Variants in CD2BP2 observed in about 807,000 individuals in gnomAD.
The protein encoded by CD2BP2 is CD2 cytoplasmic tail binding protein 2.
A neutral mutation model predicts 35.9 loss-of-function variants in CD2BP2; 27 were observed. That is an observed-to-expected ratio of 0.75 (90% CI 0.55 to 1.04). The LOEUF is 1.04. CD2BP2 is among the 50% of genes least tolerant of loss of function. The pLI, the probability that CD2BP2 is intolerant of heterozygous loss-of-function variation, is 0.00. For synonymous variants in CD2BP2, 213 were observed against 173.5 expected (o/e 1.23, Z -1.79); for missense variants, 497 against 444.3 (o/e 1.12, Z -1.07).
In CD2BP2 at chr16:30,352,695, C is replaced by A; in HGVS notation, c.*290G>T. ...AGCAGCGCAGTTGGGGGTGTTTACA[C>A]GGCAAGCAGAGTCCAGGCAGGGAGG... On this transcript the variant is annotated 3_prime_UTR_variant, in exon 7 of 7. Transcript: ENST00000305596. The A allele has an allele frequency of 2.2e-6, 1 of 447,652 alleles. No individual in the cohort carries two copies. Among genetic ancestry groups the A allele is most frequent in the Middle Eastern group, 6.4e-4 (1 of 1,566 alleles). The allele number at this position is 447,652 out of a possible 1,614,324, so 27.7% of individuals were successfully genotyped here.
At position 30,351,504 on chromosome 16, in the gene CD2BP2, CT is replaced by C. The variant is rs2049481514; in HGVS notation, c.*1480del. 3 of 152,330 alleles carry C rather than the reference CT, an allele frequency of 2.0e-5. No individual in the cohort carries two copies. The South Asian group carries it at 6.2e-4, about 32-fold the overall frequency. The allele number at this position is 152,330 out of a possible 1,614,324, so 9.4% of individuals were successfully genotyped here. A position where few individuals can be genotyped will look rare whatever the true frequency, so the allele number is the denominator to read the frequency against. On this transcript the variant is annotated 3_prime_UTR_variant, in exon 7 of 7. Coordinates refer to ENST00000305596, the MANE Select transcript of CD2BP2 (RefSeq NM_006110.3). ...ACGTTTAAAGGAAGGTATCTTACCC[CT>C]GATGGCTTCTTGGAGTGAATGAAAT...
chr16:30,351,417 A>G lies in CD2BP2; in HGVS notation c.*1568T>C, dbSNP rs1174043853. 6.6e-6 allele frequency: 1 copy of G among 152,304 alleles called. No homozygotes were observed. Among genetic ancestry groups the G allele is most frequent in the East Asian group, 1.9e-4 (1 of 5,194 alleles). 9.4% of individuals were successfully genotyped at this position (152,304 alleles called of 1,614,324 possible). ...CCACTTCCGGACCTTTCTGAAATCA[A>G]GACGCATCTTTAGATCAATGGCATC... On this transcript the variant is annotated 3_prime_UTR_variant, in exon 7 of 7. Coordinates refer to ENST00000305596, the MANE Select transcript of CD2BP2 (RefSeq NM_006110.3).
In CD2BP2 at chr16:30,352,639, A is replaced by C; in HGVS notation, c.*346T>G. The C allele has an allele frequency of 3.8e-6, 1 of 265,802 alleles. No homozygotes were observed. Among genetic ancestry groups the C allele is most frequent in the East Asian group, 8.4e-5 (1 of 11,914 alleles). 16.5% of individuals were successfully genotyped at this position (265,802 alleles called of 1,614,324 possible). A position where few individuals can be genotyped will look rare whatever the true frequency, so the allele number is the denominator to read the frequency against. The stretch of plus-strand genomic sequence containing the variant: ...CCTGAAAGCCAAAGACCTAAGAGGA[A>C]TCGAACAAGAAACCTGGGAGAGGAG... On this transcript the variant is annotated 3_prime_UTR_variant, in exon 7 of 7. Coordinates refer to ENST00000305596, the MANE Select transcript of CD2BP2 (RefSeq NM_006110.3).
At chr16:30,354,809 G>C (rs2151098218) in intron 1 of CD2BP2, 102 bp from the exon 2 acceptor site, 1 of 841,248 alleles carries the variant, frequency 1.2e-6, no homozygotes, top group South Asian at 1.4e-5. Context: ...GTACAGTTTG[G>C]GAGCGGAGGG....
At chr16:30,354,132 CA>C in intron 3 of CD2BP2, 51 bp downstream of exon 3, 1 of 1,613,108 alleles carries the variant, frequency 6.2e-7, no homozygotes, top group African/African-American at 1.3e-5. Context: ...TCCACACCAC[CA>C]GAGGCCCCTA....
chr16:30,353,734 C>G lies in CD2BP2; in HGVS notation c.442G>C (p.Gly148Arg). ...ASDSEEEDSLGQTSMSAQALL... is the reference protein window; with the variant it reads ...ASDSEEEDSLRQTSMSAQALL... ...GCTTGGGCACTCATTGAGGTCTGGC[C>G]CAAGCTGTCCTCCTCCTCCGAGTCT... The change falls in exon 5 of 7, where the codon GGC becomes CGC. Residue 148 changes from glycine to arginine, a missense_variant. Coordinates refer to ENST00000305596, the MANE Select transcript of CD2BP2 (RefSeq NM_006110.3). 1 of 1,611,458 alleles carries G rather than the reference C, an allele frequency of 6.2e-7. No individual in the cohort carries two copies. The highest frequency in any genetic ancestry group is 1.3e-5 in the African/African-American group (1 of 75,016).
At chr16:30,353,321 T>C in intron 5 of CD2BP2, 34 bp from the exon 6 acceptor site, 1 of 1,613,540 alleles carries the variant, frequency 6.2e-7, no homozygotes, top group Non-Finnish European at 8.5e-7. Context: ...TGGCCTCCAG[T>C]GTCTCACTTC....
At position 30,352,715 on chromosome 16, in the gene CD2BP2, G is replaced by C. The variant is rs2049492130; in HGVS notation, c.*270C>G. 2 of 501,144 alleles carry C rather than the reference G, an allele frequency of 4.0e-6. No individual in the cohort carries two copies. The highest frequency in any genetic ancestry group is 7.2e-5 in the East Asian group (2 of 27,696). 31.0% of individuals were successfully genotyped at this position (501,144 alleles called of 1,614,324 possible). A position where few individuals can be genotyped will look rare whatever the true frequency, so the allele number is the denominator to read the frequency against. On this transcript the variant is annotated 3_prime_UTR_variant, in exon 7 of 7. Transcript: ENST00000305596. ...TTACACGGCAAGCAGAGTCCAGGCA[G>C]GGAGGCCACAGGATACCTGACAGGC...
At position 30,353,480 on chromosome 16, in the gene CD2BP2, C is replaced by T. The variant is rs1170496259; in HGVS notation, c.696G>A (p.Leu232=). 4 of 1,614,030 alleles carry T rather than the reference C, an allele frequency of 2.5e-6. No individual in the cohort carries two copies. The highest frequency in any genetic ancestry group is 3.4e-6 in the Non-Finnish European group (4 of 1,180,026). The change falls in exon 5 of 7, where the codon TTG becomes TTA. Residue 232 remains leucine (L), a synonymous_variant. Coordinates refer to ENST00000305596, the MANE Select transcript of CD2BP2 (RefSeq NM_006110.3). ...RERLAMRLKG[L]GCQTLGPHNP... Reference sequence around the variant, plus strand: ...TGTGGGGTCCTAGGGTCTGACACCCCAAACCCTTCAGACGCATAGCCAACC... The same window carrying T: ...TGTGGGGTCCTAGGGTCTGACACCCTAAACCCTTCAGACGCATAGCCAACC...
chr16:30,351,898 T>C lies in CD2BP2; in HGVS notation c.*1087A>G, dbSNP rs1256839767. The C allele has an allele frequency of 1.3e-5, 2 of 152,264 alleles. No homozygotes were observed. The highest frequency in any genetic ancestry group is 1.3e-4 in the Admixed American group (2 of 15,278). The allele number at this position is 152,264 out of a possible 1,614,324, so 9.4% of individuals were successfully genotyped here. A position where few individuals can be genotyped will look rare whatever the true frequency, so the allele number is the denominator to read the frequency against. The stretch of plus-strand genomic sequence containing the variant: ...CTCAATCTGAATCTCCAAAGAGATA[T>C]TACAGCTCCCCAGGAGACTCCAAGG... On this transcript the variant is annotated 3_prime_UTR_variant, in exon 7 of 7. Transcript: ENST00000305596.
At chr16:30,354,533 C>CCCG (rs2049517287) in intron 2 of CD2BP2, 71 bp downstream of exon 2, 8 of 1,545,122 alleles carry the variant, frequency 5.2e-6, no homozygotes, top group Non-Finnish European at 7.2e-6. Flanking sequence ...CCGCCCCTCT[C>CCCG]CCGCCAGCTT....
Position 30,352,999 on chromosome 16 carries a change from C to T in CD2BP2, c.1012G>A (p.Asp338Asn). The change falls in exon 7 of 7, where the codon GAC becomes AAC. Residue 338 changes from aspartate to asparagine, a missense_variant. Asp to Asn is a conservative substitution (Grantham distance 23). Transcript: ENST00000305596. The stretch of plus-strand genomic sequence containing the variant: ...CCCCAGCAGGCTCAGGTGTAGAGGT[C>T]AAAGTCAATGCGTTTGGAGTTGTAG... The part of the protein sequence containing the change: ...QFYNSKRIDF[D>N]LYT 6.2e-7 allele frequency: 1 copy of T among 1,612,422 alleles called. No individual in the cohort carries two copies. Among genetic ancestry groups the T allele is most frequent in the Non-Finnish European group, 8.5e-7 (1 of 1,178,458 alleles).
Position 30,353,275 on chromosome 16 carries a change from C to T in CD2BP2, c.821G>A (p.Arg274Gln), listed in dbSNP as rs774977640. 118 of 1,614,042 alleles carry T rather than the reference C, an allele frequency of 7.3e-5. No homozygotes were observed. Among genetic ancestry groups the T allele is most frequent in the Admixed American group, 2.0e-4 (12 of 60,002 alleles). Reference sequence around the variant, plus strand: ...CATCACATCCACCAGACCATCTCCCCGCGACTCTGCTTCTAAAATAACAGG... The same window carrying T: ...CATCACATCCACCAGACCATCTCCCTGCGACTCTGCTTCTAAAATAACAGG... ...TPTQRGEAES[R>Q]GDGLVDVMWE... The change falls in exon 6 of 7, where the codon CGG becomes CAG. Residue 274 changes from arginine to glutamine, a missense_variant. Arg to Gln is a conservative substitution (Grantham distance 43). Coordinates refer to ENST00000305596, the MANE Select transcript of CD2BP2 (RefSeq NM_006110.3).
rs1824527451 is a variant in CD2BP2 at position 30,354,255 on chromosome 16, C to A, written c.146G>T (p.Ser49Ile). Residue 49 changes from serine to isoleucine, a missense_variant, in exon 3 of 7, where the codon AGC becomes ATC. By Grantham distance (142) the Ser-to-Ile change is moderately radical. Transcript: ENST00000305596. Reference protein sequence around the residue: ...SRFKGKHSLDSDEEEDDDDGG... With the variant: ...SRFKGKHSLDIDEEEDDDDGG... The stretch of plus-strand genomic sequence containing the variant: ...ATCATCATCATCCTCCTCCTCATCG[C>A]TATCCAAAGAGTGTTTGCCTTTAAA... 5 of 1,614,046 alleles carry A rather than the reference C, an allele frequency of 3.1e-6. No homozygotes were observed. Among genetic ancestry groups the A allele is most frequent in the Non-Finnish European group, 4.2e-6 (5 of 1,180,032 alleles).
rs992843357 is a variant in CD2BP2 at position 30,355,120 on chromosome 16, C to T, written c.-27+92G>A. The T allele has an allele frequency of 2.3e-5, 5 of 213,340 alleles. No homozygotes were observed. In the Admixed American group the frequency reaches 2.7e-4, roughly 12 times the overall value. The allele number at this position is 213,340 out of a possible 1,614,324, so 13.2% of individuals were successfully genotyped here. On this transcript the variant is annotated intron_variant, in intron 1 of 6. Transcript: ENST00000305596. ...ACCCCGTTCCTCCCTGCTCCGAACT[C>T]CCAATTCCGTGTGGTGAGCCCCAAC... is the stretch of plus-strand genomic sequence containing the variant.
chr16:30,351,737 C>T lies in CD2BP2; in HGVS notation c.*1248G>A, dbSNP rs1167706020. ...CTCAGCTCTCCAACCACGGTGGGGT[C>T]CAGGAGCCACCCCTCCCGCTAGGTG... On this transcript the variant is annotated 3_prime_UTR_variant, in exon 7 of 7. Coordinates refer to ENST00000305596, the MANE Select transcript of CD2BP2 (RefSeq NM_006110.3). 1 of 152,484 alleles carries T rather than the reference C, an allele frequency of 6.6e-6. No individual in the cohort carries two copies. The highest frequency in any genetic ancestry group is 1.5e-5 in the Non-Finnish European group (1 of 68,294). 9.4% of individuals were successfully genotyped at this position (152,484 alleles called of 1,614,324 possible).
chr16:30,354,554 C>A, intron 2 of CD2BP2, 50 bp downstream of exon 2: 1 of 1,584,904 alleles, frequency 6.3e-7, no homozygotes, highest in Non-Finnish European at 8.7e-7. Context: ...TCTTCCTCTT[C>A]AGGCTTCTAG....
At position 30,355,232 on chromosome 16, in the gene CD2BP2, A is replaced by T. The variant is rs2049527282; in HGVS notation, c.-47T>A. ...CTCACCTGGGAATCCGCGGAAGGCG[A>T]GGTGGAAAAAAGAAGAGATGCTTGC... On this transcript the variant is annotated 5_prime_UTR_variant, in exon 1 of 7. Transcript: ENST00000305596. 1 of 152,658 alleles carries T rather than the reference A, an allele frequency of 6.6e-6. No individual in the cohort carries two copies. Among genetic ancestry groups the T allele is most frequent in the Admixed American group, 6.5e-5 (1 of 15,294 alleles). 9.5% of individuals were successfully genotyped at this position (152,658 alleles called of 1,614,324 possible).
rs1166323812 is a variant in CD2BP2 at position 30,354,628 on chromosome 16, A to G, written c.54T>C (p.Asp18=). The G allele has an allele frequency of 1.9e-6, 3 of 1,613,680 alleles. No homozygotes were observed. The Admixed American group carries it at 5.0e-5, about 27-fold the overall frequency. The change falls in exon 2 of 7, where the codon GAT becomes GAC. Residue 18 remains aspartate, a synonymous_variant. Coordinates refer to ENST00000305596, the MANE Select transcript of CD2BP2 (RefSeq NM_006110.3). ...CCTTCTTCTTGGGGACAATGATTTCATCCTCATCCTCCTCATCTCCCACGC... is the reference window on the plus strand; with the variant it reads ...CCTTCTTCTTGGGGACAATGATTTCGTCCTCATCCTCCTCATCTCCCACGC... The part of the protein sequence containing the change: ...FQGVGDEEDE[D]EIIVPKKKLV...
Sources: allele counts gnomAD v4.1 joint callset, GRCh38; gene constraint gnomAD v4.1.1; transcripts MANE v1.5; gene names NCBI Gene and HGNC (gene_info 2026-07-23, HGNC 2026-07-21).